TBC1D12: variants seen among roughly 807,000 people sequenced by gnomAD.
TBC1D12 encodes TBC1 domain family, member 12.
A neutral mutation model predicts 86.7 loss-of-function variants in TBC1D12; 56 were observed. The observed-to-expected ratio is 0.65, with a 90% confidence interval of 0.52 to 0.81. The LOEUF is 0.81. Among genes scored for constraint, TBC1D12 ranks in the 30% least tolerant of loss-of-function variants. The pLI is 0.00. For missense variants in TBC1D12, 1,023 were observed against 1,038.8 expected (o/e 0.98, Z 0.21); for synonymous variants, 421 against 411.7 (o/e 1.02, Z -0.27).
At chr10:94,424,267 G>A (rs1333464961) in intron 1 of TBC1D12, among the ~76,000 whole-genome samples, 1 of 152,192 alleles carries the variant, frequency 6.6e-6, no homozygotes, top group African/African-American at 2.4e-5. Context: ...GATAATTTGT[G>A]TCCCCATTGT....
intron 1 of TBC1D12, among the ~76,000 whole-genome samples, chr10:94,425,387 A>G (rs922286465): frequency 2.0e-5 from 3 of 152,220 alleles, no homozygotes; most frequent in African/African-American, 7.2e-5. Context: ...CAAAAGAAAA[A>G]TGGTCAATTT....
chr10:94,432,253 G>A (rs930631486), intron 1 of TBC1D12, among the ~76,000 whole-genome samples: 10 of 152,028 alleles, frequency 6.6e-5, no homozygotes, highest in African/African-American at 2.4e-4. Flanking sequence ...ACAGTAGATC[G>A]CGAGACAAGG....
At chr10:94,468,557 A>G (rs1435757956) in intron 2 of TBC1D12, among the ~76,000 whole-genome samples, 1 of 152,008 alleles carries the variant, frequency 6.6e-6, no homozygotes, top group Non-Finnish European at 1.5e-5. Flanking sequence ...AAGTCTTGTA[A>G]TTGTTTTCAC....
At chr10:94,419,305 T>G (rs2055044221) in intron 1 of TBC1D12, among the ~76,000 whole-genome samples, 1 of 152,210 alleles carries the variant, frequency 6.6e-6, no homozygotes, top group African/African-American at 2.4e-5. Context: ...TATAGGTTAT[T>G]TAGTATGATT....
At chr10:94,424,314 C>G (rs1422310342) in intron 1 of TBC1D12, among the ~76,000 whole-genome samples, 1 of 152,186 alleles carries the variant, frequency 6.6e-6, no homozygotes, top group Non-Finnish European at 1.5e-5. Flanking sequence ...AATTAAAACT[C>G]TTCCATAAAT....
rs537185159 is a variant in TBC1D12 at position 94,414,888 on chromosome 10, C to T, written c.971+11304C>T. 3.3e-5 allele frequency among the ~76,000 whole-genome samples: 5 copies of T among 152,298 alleles called. No homozygotes were observed. The South Asian group carries it at 1.0e-3, about 32-fold the overall frequency. On this transcript the variant is annotated intron_variant, in intron 1 of 12. Transcript: ENST00000225235. ...GTGCTGGGATTACAGGCAAACTGAA[C>T]TATTTTTTAATAACAGGTTGTACAT...
chr10:94,495,092 C>T (rs1162130154), intron 4 of TBC1D12, among the ~76,000 whole-genome samples: 1 of 151,318 alleles, frequency 6.6e-6, no homozygotes, highest in African/African-American at 2.4e-5. Flanking sequence ...GGCGCAATCT[C>T]GGCTCACTGT....
In TBC1D12 at chr10:94,445,136, A is replaced by G. The variant is rs926957199; in HGVS notation, c.1095+3117A>G. Among the ~76,000 whole-genome samples the G allele has an allele frequency of 3.1e-3, 451 of 144,492 alleles. 3 individuals carry two copies. Among genetic ancestry groups the G allele is most frequent in the African/African-American group, 0.011 (429 of 39,266 alleles). 94.8% of individuals were successfully genotyped at this position (144,492 alleles called of 152,430 possible). On this transcript the variant is annotated intron_variant, in intron 2 of 12. Coordinates refer to ENST00000225235, the MANE Select transcript of TBC1D12 (RefSeq NM_015188.2). Reference sequence around the variant, plus strand: ...AGCACTTTGGGAGGCTGTGGCGGGCAGATCACGAGGTCAGGAGATTGAGAC... The same window carrying G: ...AGCACTTTGGGAGGCTGTGGCGGGCGGATCACGAGGTCAGGAGATTGAGAC...
intron 3 of TBC1D12, among the ~76,000 whole-genome samples, chr10:94,479,999 C>A (rs944535643): frequency 6.6e-6 from 1 of 152,156 alleles, no homozygotes; most frequent in African/African-American, 2.4e-5. Context: ...CTTGGGGACC[C>A]ACTGGGCCCA....
intron 2 of TBC1D12, among the ~76,000 whole-genome samples, chr10:94,459,557 C>A (rs536757208): frequency 2.6e-5 from 4 of 152,290 alleles, no homozygotes; most frequent in Admixed American, 1.3e-4. Context: ...CGGTGCCCGT[C>A]GGGGAGGCTC....
chr10:94,483,171 A>G (rs1330171792), intron 3 of TBC1D12, among the ~76,000 whole-genome samples: 1 of 151,510 alleles, frequency 6.6e-6, no homozygotes, highest in Non-Finnish European at 1.5e-5. Flanking sequence ...CTGTTGATGG[A>G]CACAGGTTGC....
chr10:94,405,134 C>T (rs1470009841), intron 1 of TBC1D12, among the ~76,000 whole-genome samples: 4 of 151,578 alleles, frequency 2.6e-5, no homozygotes, highest in Non-Finnish European at 5.9e-5. Context: ...CTTAAGTCCC[C>T]AGGCAAATAG....
rs187460814 is a variant in TBC1D12, at chr10:94,505,831, G to A, written c.1520-1436G>A. Among the ~76,000 whole-genome samples, 598 of 152,154 alleles carry A rather than the reference G, an allele frequency of 3.9e-3. 1 individual carries two copies. Among genetic ancestry groups the A allele is most frequent in the Non-Finnish European group, 6.2e-3 (422 of 68,008 alleles). On this transcript the variant is annotated intron_variant, in intron 6 of 12. Transcript: ENST00000225235. ...CAAAAGCAAATCTATATCTACTAAC[G>A]TGGAACAACCTCTAATATAACAAAG...
chr10:94,426,185 A>G (rs556832526), intron 1 of TBC1D12, among the ~76,000 whole-genome samples: 111 of 152,234 alleles, frequency 7.3e-4, no homozygotes, highest in Middle Eastern at 6.8e-3. Context: ...TAGGGCTTTC[A>G]GTATGATTTT....
intron 12 of TBC1D12, among the ~76,000 whole-genome samples, chr10:94,531,794 T>TTTATTTTATG (rs1479900156): frequency 1.1e-4 from 16 of 147,256 alleles, no homozygotes; most frequent in African/African-American, 1.5e-4. Flanking sequence ...TTTATGTTAT[T>TTTATTTTATG]TTATTTTATG....
At chr10:94,511,196 C>G (rs2056522391) in intron 8 of TBC1D12, among the ~76,000 whole-genome samples, 1 of 142,638 alleles carries the variant, frequency 7.0e-6, no homozygotes. Flanking sequence ...CTCCTGAGTT[C>G]AAGCGATTCT....
chr10:94,438,331 T>G (rs978627097), intron 1 of TBC1D12, among the ~76,000 whole-genome samples: 1 of 152,150 alleles, frequency 6.6e-6, no homozygotes, highest in Non-Finnish European at 1.5e-5. Flanking sequence ...TTCTGTTGTC[T>G]CTGTGGCTAG....
At chr10:94,471,311 A>G (rs2055902772) in intron 2 of TBC1D12, among the ~76,000 whole-genome samples, 1 of 150,658 alleles carries the variant, frequency 6.6e-6, no homozygotes, top group South Asian at 2.1e-4. Context: ...TTCCTCTCGT[A>G]GATACATAAA....
chr10:94,484,878 A>G (rs1201729071), intron 3 of TBC1D12, among the ~76,000 whole-genome samples: 1 of 151,998 alleles, frequency 6.6e-6, no homozygotes, highest in Non-Finnish European at 1.5e-5. Flanking sequence ...TATAAATGGG[A>G]TTACTTTTTT....
Sources: gnomAD v4.1 joint callset for allele counts (sites outside exome capture counted in the v4.1 genomes callset) on GRCh38, gnomAD v4.1.1 for gene constraint, MANE v1.5 for transcripts, NCBI Gene and HGNC (gene_info 2026-07-23, HGNC 2026-07-21) for gene names.